CGGBP1: variants seen among roughly 807,000 people sequenced by gnomAD.
The protein encoded by CGGBP1 is CGG triplet repeat binding protein 1, also known as CGG triplet repeat-binding protein 1.
A neutral mutation model predicts 11.4 loss-of-function variants in CGGBP1; 4 were observed. That is an observed-to-expected ratio of 0.35 (90% CI 0.17 to 0.80). The LOEUF (loss-of-function observed/expected upper bound fraction) is 0.80, where lower values mean the gene tolerates loss of function less well. Among genes scored for constraint, CGGBP1 ranks in the 30% least tolerant of loss-of-function variants. The probability of loss-of-function intolerance (pLI) is 0.52; values close to 1 mark genes in which losing one functional copy is unlikely to be tolerated. For synonymous variants in CGGBP1, 76 were observed against 74.1 expected (o/e 1.03, Z -0.13); for missense variants, 135 against 202.1 (o/e 0.67, Z 2.01).
rs116254451 is a variant in CGGBP1, at chr3:88,070,766, A to G, written c.-228-12543T>C. 3.8e-3 allele frequency among the ~76,000 whole-genome samples: 574 copies of G among 152,234 alleles called. 1 individual carries two copies. Among genetic ancestry groups the G allele is most frequent in the Middle Eastern group, 6.8e-3 (2 of 294 alleles). ...CTAGATTCTCGTTTATCCTTTGCAA[A>G]AACTCTGTGAAATAAGTACTGTTTT... is the stretch of plus-strand genomic sequence containing the variant. On this transcript the variant is annotated intron_variant, in intron 2 of 3. Coordinates refer to the CGGBP1 transcript ENST00000462901.
At chr3:88,117,626 A>G (rs1705489889) in intron 2 of CGGBP1, among the ~76,000 whole-genome samples, 1 of 152,158 alleles carries the variant, frequency 6.6e-6, no homozygotes, top group Non-Finnish European at 1.5e-5. Context: ...AAAATAAGGC[A>G]TTTTTATTAT....
chr3:88,074,894 A>G (rs893389905), intron 2 of CGGBP1, among the ~76,000 whole-genome samples: 7 of 152,150 alleles, frequency 4.6e-5, no homozygotes, highest in African/African-American at 1.4e-4. Context: ...AGTTGTGCCA[A>G]CTGCCAGTGT....
chr3:88,084,315 C>T (rs1478346546), intron 2 of CGGBP1, among the ~76,000 whole-genome samples: 1 of 152,058 alleles, frequency 6.6e-6, no homozygotes, highest in East Asian at 1.9e-4. Context: ...GGACTGGGAA[C>T]AAGAAAAATG....
At chr3:88,104,560 A>C (rs1307569950) in intron 2 of CGGBP1, among the ~76,000 whole-genome samples, 3 of 152,244 alleles carry the variant, frequency 2.0e-5, no homozygotes, top group African/African-American at 7.2e-5. Context: ...GGTTTGTAGC[A>C]TGTTTAAAAC....
intron 2 of CGGBP1, among the ~76,000 whole-genome samples, chr3:88,097,064 A>C (rs1456060978): frequency 1.3e-5 from 2 of 152,116 alleles, no homozygotes; most frequent in African/African-American, 4.8e-5. Flanking sequence ...GTAATTAACC[A>C]GCCCCTTACT....
intron 2 of CGGBP1, among the ~76,000 whole-genome samples, chr3:88,103,077 A>C (rs1457692848): frequency 6.6e-6 from 1 of 152,076 alleles, no homozygotes; most frequent in Non-Finnish European, 1.5e-5. Context: ...CACATGTGTT[A>C]TTTGGTTTTC....
chr3:88,129,212 T>C (rs1218639983), intron 2 of CGGBP1, among the ~76,000 whole-genome samples: 1 of 150,106 alleles, frequency 6.7e-6, no homozygotes, highest in African/African-American at 2.5e-5. Flanking sequence ...TATTAACAAA[T>C]GATGAAATCA....
intron 2 of CGGBP1, among the ~76,000 whole-genome samples, chr3:88,119,944 A>G (rs1321252701): frequency 6.6e-6 from 1 of 152,200 alleles, no homozygotes; most frequent in East Asian, 1.9e-4. Flanking sequence ...GCTAATTAAA[A>G]GTAGCATGTA....
intron 2 of CGGBP1, among the ~76,000 whole-genome samples, chr3:88,064,111 T>TC (rs996301729): frequency 2.0e-5 from 3 of 147,968 alleles, no homozygotes; most frequent in East Asian, 3.9e-4. Flanking sequence ...AGCTTCTTCT[T>TC]TTTTTTTTTT....
intron 1 of CGGBP1, among the ~76,000 whole-genome samples, chr3:88,148,830 G>A (rs1221474768): frequency 6.6e-6 from 1 of 152,014 alleles, no homozygotes; most frequent in Non-Finnish European, 1.5e-5. Context: ...TAGTGGAGAC[G>A]GGGCTTCTTT....
intron 2 of CGGBP1, chr3:88,140,662 A>T (rs1707067361): frequency 4.3e-6 from 7 of 1,613,762 alleles, no homozygotes; most frequent in Non-Finnish European, 5.9e-6. Flanking sequence ...TTGAAAATTG[A>T]TACAAACAGA....
chr3:88,124,703 T>C (rs899336920), intron 2 of CGGBP1, among the ~76,000 whole-genome samples: 2 of 152,160 alleles, frequency 1.3e-5, no homozygotes, highest in Non-Finnish European at 2.9e-5. Flanking sequence ...GTTTTTAATA[T>C]CAGAGATTTT....
At chr3:88,131,251 A>G (rs1349704131) in intron 2 of CGGBP1, among the ~76,000 whole-genome samples, 1 of 152,202 alleles carries the variant, frequency 6.6e-6, no homozygotes, top group African/African-American at 2.4e-5. Flanking sequence ...AAATGATATT[A>G]TAATCTTGTG....
chr3:88,127,723 G>A (rs1450895664), intron 2 of CGGBP1, among the ~76,000 whole-genome samples: 4 of 152,136 alleles, frequency 2.6e-5, no homozygotes, highest in Non-Finnish European at 5.9e-5. Context: ...AGGGCTGATG[G>A]CCTTTTAGGC....
At chr3:88,139,190 T>G in intron 2 of CGGBP1, 1 of 1,447,484 alleles carries the variant, frequency 6.9e-7, no homozygotes, top group Non-Finnish European at 9.1e-7. Context: ...ATCAGAGCAC[T>G]GGAGAGACTG....
At chr3:88,140,069 A>T (rs778486435) in intron 2 of CGGBP1, 4 of 1,613,720 alleles carry the variant, frequency 2.5e-6, no homozygotes, top group South Asian at 1.1e-5. Flanking sequence ...AAGATTCTCA[A>T]CATTTTATAG....
At chr3:88,072,062 T>G (rs1050697615) in intron 2 of CGGBP1, among the ~76,000 whole-genome samples, 5 of 152,150 alleles carry the variant, frequency 3.3e-5, no homozygotes, top group Non-Finnish European at 5.9e-5. Context: ...AATAATTGAG[T>G]ATTGTAGAGG....
upstream of CGGBP1, among the ~76,000 whole-genome samples, chr3:88,061,098 G>A (rs1262407112): frequency 6.6e-6 from 1 of 152,144 alleles, no homozygotes; most frequent in Non-Finnish European, 1.5e-5. Context: ...CAGAGCACTT[G>A]TTTTGTAACT....
chr3:88,128,918 A>G, intron 2 of CGGBP1: 1 of 1,535,638 alleles, frequency 6.5e-7, no homozygotes, highest in African/African-American at 1.4e-5. Flanking sequence ...AATCTTGTAT[A>G]AATCACCCAG....
Sources: allele counts gnomAD v4.1 joint callset (sites outside exome capture counted in the v4.1 genomes callset), GRCh38; gene constraint gnomAD v4.1.1; transcripts MANE v1.5; gene names NCBI Gene and HGNC (gene_info 2026-07-23, HGNC 2026-07-21).